Variants in SRA1 observed in about 807,000 individuals in gnomAD.
SRA1 encodes steroid receptor RNA activator 1, also known as lncRNA SRA.
SRA1 carries 25 observed loss-of-function variants against 24.3 expected under a neutral mutation model. That is an observed-to-expected ratio of 1.03 (90% CI 0.75 to 1.43). SRA1 has a LOEUF of 1.43. Ranked by LOEUF, SRA1 falls within the 40% of genes most tolerant of loss-of-function variation. SRA1 has a pLI of 0.00. For missense variants in SRA1, 303 were observed against 286.6 expected (o/e 1.06, Z -0.41); for synonymous variants, 104 against 109.5 (o/e 0.95, Z 0.31).
rs1754571629 is a variant in SRA1 at position 140,551,978 on chromosome 5, T to TTA, written c.354+2_354+3dup. ...TCTCTAACCTCTGATGTGCCAGAGCTTACCCTTGTGTGGCCACGGCAGTCT... is the reference window on the plus strand; with the variant it reads ...TCTCTAACCTCTGATGTGCCAGAGCTTATACCCTTGTGTGGCCACGGCAGTCT... On this transcript the variant is annotated splice_donor_region_variant and intron_variant, in intron 3 of 4. Transcript: ENST00000336283. 1 of 1,613,724 alleles carries TTA rather than the reference T, an allele frequency of 6.2e-7. No homozygotes were observed. The highest frequency in any genetic ancestry group is 8.5e-7 in the Non-Finnish European group (1 of 1,179,774).
In SRA1 at chr5:140,557,409, G is replaced by A. The variant is rs1708365050; in HGVS notation, c.25+19C>T. 6.3e-7 allele frequency: 1 copy of A among 1,585,818 alleles called. No individual in the cohort carries two copies. Among genetic ancestry groups the A allele is most frequent in the Non-Finnish European group, 8.6e-7 (1 of 1,168,450 alleles). ...GCCGGGGCGACAACCTAGTGCCCTA[G>A]CCCGCCGGCTGCGCTCACCCGGCTT... On this transcript the variant is annotated intron_variant, in intron 1 of 4. Transcript: ENST00000336283.
chr5:140,557,143 G>A lies in SRA1; in HGVS notation c.151+4C>T, dbSNP rs371258239. 1.2e-5 allele frequency: 18 copies of A among 1,551,032 alleles called. No homozygotes were observed. The highest frequency in any genetic ancestry group is 2.3e-5 in the South Asian group (2 of 88,018). On this transcript the variant is annotated splice_donor_region_variant and intron_variant, in intron 2 of 4. Transcript: ENST00000336283. Reference sequence around the variant, plus strand: ...CTGTCTCCGAGCACAGGGGCCCCACGCACCTCTGGGGGATCCATCCTGGGG... The same window carrying A: ...CTGTCTCCGAGCACAGGGGCCCCACACACCTCTGGGGGATCCATCCTGGGG...
chr5:140,557,518 T>C (rs952047206), upstream of SRA1: 17 of 1,521,416 alleles, frequency 1.1e-5, no homozygotes, highest in African/African-American at 1.7e-4. Context: ...GCGGGCCAGT[T>C]GAGACACGTC....
upstream of SRA1, chr5:140,557,817 A>G (rs1458269295): frequency 7.7e-6 from 3 of 388,764 alleles, no homozygotes; most frequent in African/African-American, 2.1e-5. Flanking sequence ...ATTGCCCTGC[A>G]CAATCTCCAC....
At chr5:140,557,548 G>T, upstream of SRA1, 1 of 1,422,282 alleles carries the variant, frequency 7.0e-7, no homozygotes, top group Non-Finnish European at 9.4e-7. Context: ...GCGGGTTGCC[G>T]GAATCCGTGG....
intron 1 of SRA1, 21 bp downstream of exon 1, chr5:140,557,407 T>A (rs375598258): frequency 1.3e-6 from 2 of 1,586,444 alleles, no homozygotes; most frequent in Non-Finnish European, 1.7e-6. Context: ...CCTAGTGCCC[T>A]AGCCCGCCGG....
At position 140,550,625 on chromosome 5, in the gene SRA1, G is replaced by GT. The variant is rs1460494461; in HGVS notation, c.*74dup. 3 of 1,453,994 alleles carry GT rather than the reference G, an allele frequency of 2.1e-6. No individual in the cohort carries two copies. Among genetic ancestry groups the GT allele is most frequent in the East Asian group, 2.3e-5 (1 of 44,142 alleles). 90.1% of individuals were successfully genotyped at this position (1,453,994 alleles called of 1,614,324 possible). On this transcript the variant is annotated 3_prime_UTR_variant, in exon 5 of 5. Coordinates refer to ENST00000336283, the MANE Select transcript of SRA1 (RefSeq NM_001035235.4). ...GCCCAGTGGGACAGTCTTGGTGGTG[G>GT]TAAGAAGGGAGCCAAGTGACAGAAG...
At chr5:140,557,487 A>G (rs1286744678), upstream of SRA1, 5 of 1,546,546 alleles carry the variant, frequency 3.2e-6, no homozygotes, top group Non-Finnish European at 4.4e-6. Context: ...GCAGCGCGTC[A>G]TTTCCGGGGC....
chr5:140,557,104 C>G lies in SRA1; in HGVS notation c.151+43G>C, dbSNP rs775097521. The G allele has an allele frequency of 1.4e-5, 17 of 1,200,362 alleles. 1 individual carries two copies. Among genetic ancestry groups the G allele is most frequent in the African/African-American group, 5.9e-5 (4 of 67,562 alleles). 74.4% of individuals were successfully genotyped at this position (1,200,362 alleles called of 1,614,324 possible). A position where few individuals can be genotyped will look rare whatever the true frequency, so the allele number is the denominator to read the frequency against. ...CAGGCTTATGCCTTACACCCCCCCC[C>G]CCCCATTCTCCGTCTGTCTCCGAGC... is the stretch of plus-strand genomic sequence containing the variant. On this transcript the variant is annotated intron_variant, in intron 2 of 4. Transcript: ENST00000336283.
intron 2 of SRA1, among the ~76,000 whole-genome samples, chr5:140,553,270 G>T (rs1754610732): frequency 1.3e-5 from 2 of 150,080 alleles, no homozygotes; most frequent in Admixed American, 1.3e-4. Flanking sequence ...GAGCCCAGGA[G>T]TTTGAGAGCA....
chr5:140,551,189 C>T lies in SRA1; in HGVS notation c.355-20G>A, dbSNP rs1279077330. The T allele has an allele frequency of 3.7e-6, 6 of 1,602,174 alleles. No homozygotes were observed. The highest frequency in any genetic ancestry group is 5.1e-6 in the Non-Finnish European group (6 of 1,169,714). On this transcript the variant is annotated intron_variant, in intron 3 of 4. Coordinates refer to ENST00000336283, the MANE Select transcript of SRA1 (RefSeq NM_001035235.4). ...CTGCTTCTAAGAGACAGAAGCCCCC[C>T]TCCAATTCAGTGCTGCCAGCCCAAT...
intron 1 of SRA1, 77 bp downstream of exon 1, chr5:140,557,351 C>A (rs763467038): frequency 6.2e-7 from 1 of 1,603,836 alleles, no homozygotes; most frequent in East Asian, 2.2e-5. Context: ...GACAGAGGGT[C>A]CATACTAAGC....
intron 2 of SRA1, 129 bp from the exon 3 acceptor site, chr5:140,552,313 TC>T: frequency 1.4e-6 from 1 of 720,104 alleles, no homozygotes; most frequent in Non-Finnish European, 2.2e-6. Context: ...ATTTATGAAG[TC>T]CCCACTCTAC....
In SRA1 at chr5:140,550,483, G is replaced by C. The variant is rs892323820; in HGVS notation, c.*217C>G. On this transcript the variant is annotated 3_prime_UTR_variant, in exon 5 of 5. Coordinates refer to ENST00000336283, the MANE Select transcript of SRA1 (RefSeq NM_001035235.4). ...AGGGGACTAGCTTGGCACCGGAAGG[G>C]TTCATCTCTCCTACCCAAGGCCCAC... 1.7e-5 allele frequency: 10 copies of C among 594,632 alleles called. No individual in the cohort carries two copies. Among genetic ancestry groups the C allele is most frequent in the Admixed American group, 8.9e-5 (3 of 33,638 alleles). 36.8% of individuals were successfully genotyped at this position (594,632 alleles called of 1,614,324 possible).
intron 2 of SRA1, among the ~76,000 whole-genome samples, chr5:140,555,315 C>T (rs1581399122): frequency 6.6e-6 from 1 of 152,218 alleles, no homozygotes; most frequent in East Asian, 1.9e-4. Context: ...GGTGCGATGT[C>T]GGCTCACTGC....
chr5:140,556,032 G>A (rs1289934863), intron 2 of SRA1, among the ~76,000 whole-genome samples: 1 of 152,256 alleles, frequency 6.6e-6, no homozygotes, highest in African/African-American at 2.4e-5. Flanking sequence ...TAGGAAGATA[G>A]TGCCCACAGG....
chr5:140,550,578 T>G lies in SRA1; in HGVS notation c.*122A>C. ...AACTCCCTCTGGCCCAGGTGGGACT[T>G]CTTCCCTCATAGGTGGGTCAGGCCC... On this transcript the variant is annotated 3_prime_UTR_variant, in exon 5 of 5. Coordinates refer to ENST00000336283, the MANE Select transcript of SRA1 (RefSeq NM_001035235.4). The G allele has an allele frequency of 1.1e-6, 1 of 874,300 alleles. No individual in the cohort carries two copies. 54.2% of individuals were successfully genotyped at this position (874,300 alleles called of 1,614,324 possible).
Position 140,551,097 on chromosome 5 carries a change from T to C in SRA1, c.427A>G (p.Ile143Val), listed in dbSNP as rs536630747. ...QEQWAGGKLS[I>V]PVKKRMALLV... ...AGAGCCATTCTCTTCTTTACAGGTA[T>C]TGACAACTTTCCTCCAGCCCACTGT... Residue 143 changes from isoleucine to valine, a missense_variant, in exon 4 of 5, where the codon ATA (isoleucine) becomes GTA (valine). By Grantham distance (29) the Ile-to-Val change is conservative (BLOSUM62 3). Transcript: ENST00000336283. The C allele has an allele frequency of 2.5e-6, 4 of 1,614,224 alleles. No homozygotes were observed. The African/African-American group carries it at 4.0e-5, about 16-fold the overall frequency.
chr5:140,551,614 A>G (rs912427337), intron 3 of SRA1: 1 of 213,234 alleles, frequency 4.7e-6, no homozygotes, highest in Admixed American at 5.3e-5. Context: ...GAACTAAGAA[A>G]ACACTATAGC....
Sources: gnomAD v4.1 joint callset for allele counts (sites outside exome capture counted in the v4.1 genomes callset) on GRCh38, gnomAD v4.1.1 for gene constraint, MANE v1.5 for transcripts, NCBI Gene and HGNC (gene_info 2026-07-23, HGNC 2026-07-21) for gene names.